The following ABCA1 variants were observed in gnomAD, a reference collection of about 807,000 sequenced individuals.
The protein encoded by ABCA1 is ATP binding cassette subfamily A member 1.
A neutral mutation model predicts 262.5 loss-of-function variants in ABCA1; 133 were observed. The ratio of observed to expected loss-of-function variants is 0.51; its 90% CI spans 0.44 to 0.59. The LOEUF is 0.59. Among genes scored for constraint, ABCA1 ranks in the 20% least tolerant of loss-of-function variants. The pLI, the probability that ABCA1 is intolerant of heterozygous loss-of-function variation, is 0.00. For synonymous variants in ABCA1, 1,022 were observed against 1,043.5 expected (o/e 0.98, Z 0.40); for missense variants, 2,452 against 2,777.5 (o/e 0.88, Z 2.63).
Position 104,806,304 on chromosome 9 carries a change from G to A in ABCA1, c.4401C>T (p.Ser1467=), listed in dbSNP as rs774694753. ...QNPSPACQCS[S]DKIKKMLPVC... ...CAGGCAGCATCTTCTTGATTTTGTC[G>A]CTGCTACACTGGCATGCAGGTGAAG... The change falls in exon 31 of 50, where the codon AGC becomes AGT. Residue 1467 remains serine, a synonymous_variant. Transcript: ENST00000374736. 6.2e-6 allele frequency: 10 copies of A among 1,614,078 alleles called. No individual in the cohort carries two copies. Among genetic ancestry groups the A allele is most frequent in the South Asian group, 3.3e-5 (3 of 91,082 alleles).
chr9:104,806,115 A>C (rs748305523), intron 31 of ABCA1, 126 bp downstream of exon 31: 23 of 1,093,656 alleles, frequency 2.1e-5, no homozygotes, highest in Middle Eastern at 3.1e-4. Context: ...AGAAAAAAAA[A>C]CAAAAAACAA....
At position 104,788,471 on chromosome 9, in the gene ABCA1, C is replaced by T; in HGVS notation, c.6024G>A (p.Glu2008=). 1 of 1,614,192 alleles carries T rather than the reference C, an allele frequency of 6.2e-7. No individual in the cohort carries two copies. Among genetic ancestry groups the T allele is most frequent in the Admixed American group, 1.7e-5 (1 of 60,032 alleles). ...TELLTGREHV[E]FFALLRGVPE... ...GGACTCCTCTCAAAAGGGCAAAGAACTCCACGTGTTCTCTCCCAGTCAACA... is the reference window on the plus strand; with the variant it reads ...GGACTCCTCTCAAAAGGGCAAAGAATTCCACGTGTTCTCTCCCAGTCAACA... Residue 2008 remains glutamate (E), a synonymous_variant, in exon 45 of 50, where the codon GAG becomes GAA. Coordinates refer to ENST00000374736, the MANE Select transcript of ABCA1 (RefSeq NM_005502.4).
intron 31 of ABCA1, 100 bp from the exon 32 acceptor site, chr9:104,804,820 G>A: frequency 9.7e-7 from 1 of 1,029,300 alleles, no homozygotes. Context: ...AGTGTGACCG[G>A]AAACCTGACT....
chr9:104,787,750 C>A, intron 46 of ABCA1, 170 bp downstream of exon 46: 1 of 854,866 alleles, frequency 1.2e-6, no homozygotes, highest in Non-Finnish European at 1.4e-6. Context: ...GGTACAGCCA[C>A]CCCAGTGTGT....
chr9:104,888,579 A>G (rs1839425799), intron 3 of ABCA1, among the ~76,000 whole-genome samples: 1 of 152,222 alleles, frequency 6.6e-6, no homozygotes, highest in Non-Finnish European at 1.5e-5. Context: ...GTTAGCCACT[A>G]CTGTATTTTC....
chr9:104,913,247 A>G (rs1289147724), intron 1 of ABCA1, among the ~76,000 whole-genome samples: 2 of 151,934 alleles, frequency 1.3e-5, no homozygotes, highest in East Asian at 3.9e-4. Context: ...CAAATCCTTA[A>G]CTCCTTTGTT....
chr9:104,837,514 T>C lies in ABCA1; in HGVS notation c.1108A>G (p.Ile370Val). 6.2e-7 allele frequency: 1 copy of C among 1,614,060 alleles called. No homozygotes were observed. The highest frequency in any genetic ancestry group is 8.5e-7 in the Non-Finnish European group (1 of 1,179,984). ...KNLESSPLSR[I>V]IWKALKPLLV... is the part of the protein sequence containing the mutation. ...AGCGGCTTCAGAGCTTTCCAGATAA[T>C]GCGGGAAAGAGGACTAGACTCCAAA... is the stretch of plus-strand genomic sequence containing the variant. Residue 370 changes from isoleucine (I) to valine (V), a missense_variant, in exon 10 of 50, where the codon ATT becomes GTT. Ile to Val is a conservative substitution (Grantham distance 29). Transcript: ENST00000374736.
chr9:104,913,848 T>G lies in ABCA1; in HGVS notation c.-92-10077A>C, dbSNP rs1018265258. Among the ~76,000 whole-genome samples, 6 of 152,178 alleles carry G rather than the reference T, an allele frequency of 3.9e-5. No homozygotes were observed. The South Asian group carries it at 6.2e-4, about 16-fold the overall frequency. ...TCTGGCTCTGTCGCCCAGGCTGGAG[T>G]GCAGTGGCGCGATCTCGGCTCACTG... On this transcript the variant is annotated intron_variant, in intron 1 of 49. Transcript: ENST00000374736.
At chr9:104,846,410 G>A (rs534546170) in intron 7 of ABCA1, among the ~76,000 whole-genome samples, 9 of 152,270 alleles carry the variant, frequency 5.9e-5, no homozygotes, top group African/African-American at 2.2e-4. Flanking sequence ...TATGAGCATT[G>A]TTTTATTCAA....
intron 2 of ABCA1, among the ~76,000 whole-genome samples, chr9:104,895,536 GC>G (rs1227769276): frequency 6.6e-6 from 1 of 152,178 alleles, no homozygotes; most frequent in Non-Finnish European, 1.5e-5. Flanking sequence ...GGGATAACCG[GC>G]CCCGGTCGAG....
intron 1 of ABCA1, among the ~76,000 whole-genome samples, chr9:104,923,640 G>A (rs1332401616): frequency 6.6e-6 from 1 of 152,216 alleles, no homozygotes; most frequent in East Asian, 1.9e-4. Context: ...CTGGGTTCAA[G>A]TCTTAGCTCT....
At chr9:104,788,338 C>T in intron 45 of ABCA1, 88 bp downstream of exon 45, 1 of 1,587,234 alleles carries the variant, frequency 6.3e-7, no homozygotes, top group Non-Finnish European at 8.6e-7. Context: ...GGAAAAACAG[C>T]CTGAAGTCAA....
intron 17 of ABCA1, 35 bp from the exon 18 acceptor site, chr9:104,824,613 C>G (rs1832663004): frequency 6.2e-7 from 1 of 1,609,544 alleles, no homozygotes; most frequent in African/African-American, 1.3e-5. Context: ...CCAAGCTCAG[C>G]ATCATCCCAG....
chr9:104,861,376 T>C lies in ABCA1; in HGVS notation c.543+303A>G, dbSNP rs1588433496. ...TTGCCTCAGAACTGTGAATATTTTTTAAGTTTAACTCAACTTAAAATGTAT... is the reference window on the plus strand; with the variant it reads ...TTGCCTCAGAACTGTGAATATTTTTCAAGTTTAACTCAACTTAAAATGTAT... On this transcript the variant is annotated intron_variant, in intron 6 of 49. Transcript: ENST00000374736. 12 of 560,110 alleles carry C rather than the reference T, an allele frequency of 2.1e-5. No homozygotes were observed. In the East Asian group the frequency reaches 3.0e-4, roughly 14 times the overall value. The allele number at this position is 560,110 out of a possible 1,614,324, so 34.7% of individuals were successfully genotyped here.
intron 5 of ABCA1, among the ~76,000 whole-genome samples, chr9:104,869,395 G>A (rs1432562012): frequency 2.0e-5 from 3 of 152,114 alleles, no homozygotes. Flanking sequence ...ATTCTAACTC[G>A]TGGTTTTAAT....
chr9:104,816,467 TTTA>T, intron 24 of ABCA1, 122 bp from the exon 25 acceptor site: 5 of 897,462 alleles, frequency 5.6e-6, no homozygotes, highest in South Asian at 1.4e-5. Context: ...GTTCCAGGTG[TTTA>T]GGTCATTCCA....
At chr9:104,915,910 G>A (rs1428334937) in intron 1 of ABCA1, among the ~76,000 whole-genome samples, 1 of 152,060 alleles carries the variant, frequency 6.6e-6, no homozygotes, top group Non-Finnish European at 1.5e-5. Context: ...TGCCATCTGG[G>A]GTCAGAGTGC....
chr9:104,909,805 G>T lies in ABCA1; in HGVS notation c.-92-6034C>A, dbSNP rs118159295. On this transcript the variant is annotated intron_variant, in intron 1 of 49. Coordinates refer to ENST00000374736, the MANE Select transcript of ABCA1 (RefSeq NM_005502.4). The stretch of plus-strand genomic sequence containing the variant: ...GATGAGAGATGAGAATTATAAAGAA[G>T]AAGAAAAGGGGAGAGAGGATGACAC... 1.3e-3 allele frequency among the ~76,000 whole-genome samples: 204 copies of T among 152,198 alleles called. 5 individuals carry two copies. In the East Asian group the frequency reaches 0.033, roughly 25 times the overall value.
chr9:104,801,630 C>G (rs1206175118), intron 34 of ABCA1, among the ~76,000 whole-genome samples: 1 of 152,076 alleles, frequency 6.6e-6, no homozygotes, highest in African/African-American at 2.4e-5. Flanking sequence ...CAACCTCTTC[C>G]TACAGGGTTC....
Sources: gnomAD v4.1 joint callset for allele counts (sites outside exome capture counted in the v4.1 genomes callset) on GRCh38, gnomAD v4.1.1 for gene constraint, MANE v1.5 for transcripts, NCBI Gene and HGNC (gene_info 2026-07-23, HGNC 2026-07-21) for gene names.